ADK: variants seen among roughly 807,000 people sequenced by gnomAD.
The protein encoded by ADK is N6,N6-dimethyladenosine kinase.
A neutral mutation model predicts 44.7 loss-of-function variants in ADK; 24 were observed. That is an observed-to-expected ratio of 0.54 (90% CI 0.39 to 0.76). The LOEUF (loss-of-function observed/expected upper bound fraction) is 0.76. ADK is among the 30% of genes least tolerant of loss of function. The pLI is 0.00. For missense variants in ADK, 321 were observed against 425.1 expected, an observed-to-expected ratio of 0.76 and a Z score of 2.15; for synonymous variants, 128 against 142.6, an observed-to-expected ratio of 0.90 and a Z score of 0.73.
At chr10:74,657,610 G>A (rs1182084700) in intron 9 of ADK, among the ~76,000 whole-genome samples, 1 of 152,122 alleles carries the variant, frequency 6.6e-6, no homozygotes, top group East Asian at 1.9e-4. Context: ...TAGATTCTGG[G>A]AGATAATCAA....
At chr10:74,340,694 C>G (rs954620092) in intron 4 of ADK, among the ~76,000 whole-genome samples, 1 of 152,032 alleles carries the variant, frequency 6.6e-6, no homozygotes, top group African/African-American at 2.4e-5. Context: ...AACTGGAAAC[C>G]AGTGGAGGAA....
intron 8 of ADK, among the ~76,000 whole-genome samples, chr10:74,590,434 A>G (rs538919546): frequency 6.6e-6 from 1 of 152,294 alleles, no homozygotes; most frequent in South Asian, 2.1e-4. Context: ...CAAGCAGCAA[A>G]GTAATACATG....
chr10:74,657,243 G>A (rs1042254003), intron 9 of ADK, among the ~76,000 whole-genome samples: 1 of 151,926 alleles, frequency 6.6e-6, no homozygotes, highest in Non-Finnish European at 1.5e-5. Context: ...TCATAAATAT[G>A]TTCTCATTTT....
At chr10:74,384,871 A>G (rs1564690509) in intron 4 of ADK, among the ~76,000 whole-genome samples, 1 of 152,204 alleles carries the variant, frequency 6.6e-6, no homozygotes, top group Non-Finnish European at 1.5e-5. Context: ...TGGTTCAATC[A>G]TAAAGTTGTT....
At chr10:74,287,421 G>T (rs1025769865) in intron 3 of ADK, among the ~76,000 whole-genome samples, 1 of 150,928 alleles carries the variant, frequency 6.6e-6, no homozygotes, top group African/African-American at 2.4e-5. Context: ...CCAAGATTGC[G>T]CCACTGCACT....
chr10:74,297,769 A>G (rs1360394859), intron 3 of ADK, among the ~76,000 whole-genome samples: 1 of 152,214 alleles, frequency 6.6e-6, no homozygotes, highest in Non-Finnish European at 1.5e-5. Context: ...TTCATAATTA[A>G]AGTTTATTAG....
intron 6 of ADK, among the ~76,000 whole-genome samples, chr10:74,406,260 ATTGT>A (rs1329924049): frequency 3.9e-5 from 6 of 151,978 alleles, no homozygotes; most frequent in Admixed American, 3.9e-4. Flanking sequence ...TCTGCTTTGC[ATTGT>A]TTTTGAAAGG....
chr10:74,200,485 CAAA>C (rs78504019), intron 1 of ADK, among the ~76,000 whole-genome samples: 15 of 93,936 alleles, frequency 1.6e-4, no homozygotes, highest in Admixed American at 2.3e-4. Context: ...ACTCCGTGTC[CAAA>C]AAAAAAAAAA....
intron 9 of ADK, among the ~76,000 whole-genome samples, chr10:74,634,032 C>T (rs1853532882): frequency 1.3e-5 from 2 of 152,056 alleles, no homozygotes; most frequent in Non-Finnish European, 2.9e-5. Context: ...AGAGTGGATT[C>T]CTAGCAGCCC....
intron 6 of ADK, among the ~76,000 whole-genome samples, chr10:74,520,384 G>T (rs1049374255): frequency 4.6e-5 from 7 of 151,106 alleles, no homozygotes; most frequent in Middle Eastern, 3.2e-3. Flanking sequence ...TTTTACATAG[G>T]TTTATTTCCT....
chr10:74,558,116 G>C (rs2058413746), intron 7 of ADK, among the ~76,000 whole-genome samples: 1 of 152,176 alleles, frequency 6.6e-6, no homozygotes, highest in Admixed American at 6.5e-5. Context: ...TTAGAACAAA[G>C]AGCAGCAGTC....
At chr10:74,496,248 A>C (rs1372270437) in intron 6 of ADK, among the ~76,000 whole-genome samples, 1 of 152,188 alleles carries the variant, frequency 6.6e-6, no homozygotes, top group Non-Finnish European at 1.5e-5. Flanking sequence ...CTTGGACTAC[A>C]GGCATGTGCC....
chr10:74,161,462 A>C (rs973901563), intron 1 of ADK, among the ~76,000 whole-genome samples: 1 of 151,764 alleles, frequency 6.6e-6, no homozygotes, highest in Non-Finnish European at 1.5e-5. Context: ...ACCTGCCTCA[A>C]CCTCCCAAAG....
At chr10:74,288,816 A>C (rs1365926439) in intron 3 of ADK, among the ~76,000 whole-genome samples, 2 of 152,232 alleles carry the variant, frequency 1.3e-5, no homozygotes, top group Admixed American at 6.5e-5. Context: ...ATAACTGTTT[A>C]TTACAGTAGA....
intron 6 of ADK, among the ~76,000 whole-genome samples, chr10:74,493,072 T>A (rs1199293244): frequency 6.6e-6 from 1 of 152,234 alleles, no homozygotes; most frequent in Non-Finnish European, 1.5e-5. Context: ...CATTTGTTAG[T>A]TGGCTTTCAG....
At position 74,419,329 on chromosome 10, in the gene ADK, C is replaced by G. The variant is rs76740079; in HGVS notation, c.555+20750C>G. 1.4e-3 allele frequency among the ~76,000 whole-genome samples: 206 copies of G among 152,174 alleles called. 1 individual carries two copies. The highest frequency in any genetic ancestry group is 2.7e-3 in the South Asian group (13 of 4,818). ...TTCAGTCTTTGAAGTATTTCCCCCC[C>G]CCAAAAATCCCTTATTTAAATTTTT... On this transcript the variant is annotated intron_variant, in intron 6 of 10. Coordinates refer to ENST00000539909, the MANE Select transcript of ADK (RefSeq NM_006721.4).
intron 10 of ADK, among the ~76,000 whole-genome samples, chr10:74,685,631 G>A (rs1855758205): frequency 6.6e-6 from 1 of 152,058 alleles, no homozygotes; most frequent in Admixed American, 6.6e-5. Flanking sequence ...CCATATTAAG[G>A]TATTCAAAAA....
chr10:74,234,177 G>A (rs1208497704), intron 3 of ADK, among the ~76,000 whole-genome samples: 1 of 152,184 alleles, frequency 6.6e-6, no homozygotes, highest in East Asian at 1.9e-4. Context: ...TGAACTTTTA[G>A]TATTTATTAG....
intron 10 of ADK, among the ~76,000 whole-genome samples, chr10:74,697,845 C>T (rs941105019): frequency 1.3e-5 from 2 of 152,190 alleles, no homozygotes; most frequent in African/African-American, 4.8e-5. Flanking sequence ...CACCAGCAAT[C>T]CTACCTCTGT....
Sources: allele counts gnomAD v4.1 joint callset (sites outside exome capture counted in the v4.1 genomes callset), GRCh38; gene constraint gnomAD v4.1.1; transcripts MANE v1.5; gene names NCBI Gene and HGNC (gene_info 2026-07-23, HGNC 2026-07-21).